Variants in NELL2 observed in about 807,000 individuals in gnomAD.
NELL2 encodes protein kinase C-binding protein NELL2.
Under a neutral mutation model 109.6 loss-of-function variants are expected in NELL2, and 41 were observed. That is an observed-to-expected ratio of 0.37 (90% CI 0.29 to 0.49). The LOEUF is 0.49. Among genes scored for constraint, NELL2 ranks in the 20% least tolerant of loss-of-function variants. The pLI is 0.98. For synonymous variants in NELL2, 355 were observed against 344.7 expected, an observed-to-expected ratio of 1.03 and a Z score of -0.33; for missense variants, 900 against 1,008.3, an observed-to-expected ratio of 0.89 and a Z score of 1.45.
chr12:44,897,440 G>C (rs1285932845), intron 1 of NELL2, among the ~76,000 whole-genome samples: 2 of 152,038 alleles, frequency 1.3e-5, no homozygotes, highest in Non-Finnish European at 2.9e-5. Flanking sequence ...ATTGGGACTA[G>C]TTAGACAGTG....
chr12:44,562,798 C>T (rs1481243697), intron 15 of NELL2, among the ~76,000 whole-genome samples: 1 of 152,134 alleles, frequency 6.6e-6, no homozygotes, highest in Non-Finnish European at 1.5e-5. Flanking sequence ...ACCATTTGAC[C>T]CAGCAATCCC....
intron 3 of NELL2, among the ~76,000 whole-genome samples, chr12:44,780,438 CCCCATCCCA>C (rs1354881026): frequency 6.6e-6 from 1 of 151,850 alleles, no homozygotes; most frequent in Non-Finnish European, 1.5e-5. Context: ...AAAAAACTGG[CCCCATCCCA>C]AACCATGCCA....
At chr12:44,762,033 T>C (rs1433150645) in intron 9 of NELL2, among the ~76,000 whole-genome samples, 2 of 151,964 alleles carry the variant, frequency 1.3e-5, no homozygotes, top group Non-Finnish European at 2.9e-5. Flanking sequence ...TCTATAAAAA[T>C]AAAATACATT....
rs889511499 is a variant in NELL2 at position 44,899,402 on chromosome 12, T to C, written c.38+14397A>G. Reference sequence around the variant, plus strand: ...CCCACAAAGGGAAGCACATCAGACATACAGAGGATCCCTCTGCAGAAACCC... The same window carrying C: ...CCCACAAAGGGAAGCACATCAGACACACAGAGGATCCCTCTGCAGAAACCC... On this transcript the variant is annotated intron_variant, in intron 1 of 20. Coordinates refer to the NELL2 transcript ENST00000333837. Among the ~76,000 whole-genome samples, 9 of 152,182 alleles carry C rather than the reference T, an allele frequency of 5.9e-5. No individual in the cohort carries two copies. The South Asian group carries it at 6.2e-4, about 11-fold the overall frequency.
chr12:44,866,935 C>CA (rs1945018100), intron 2 of NELL2, among the ~76,000 whole-genome samples: 1 of 151,902 alleles, frequency 6.6e-6, no homozygotes, highest in African/African-American at 2.4e-5. Context: ...CTTACCAAGA[C>CA]AAAATCATGA....
chr12:44,661,644 TA>T (rs1372556644), intron 13 of NELL2, among the ~76,000 whole-genome samples: 1 of 151,834 alleles, frequency 6.6e-6, no homozygotes, highest in Non-Finnish European at 1.5e-5. Flanking sequence ...AGATTCCCAG[TA>T]AAACTCAAGA....
intron 13 of NELL2, among the ~76,000 whole-genome samples, chr12:44,617,635 TGAGCC>T (rs1279105686): frequency 1.2e-5 from 1 of 84,350 alleles, no homozygotes; most frequent in Non-Finnish European, 2.0e-5. Context: ...GAGCTTGCAG[TGAGCC>T]GAGATCCCGC....
At chr12:44,580,548 C>T (rs1398259404) in intron 15 of NELL2, among the ~76,000 whole-genome samples, 2 of 152,020 alleles carry the variant, frequency 1.3e-5, no homozygotes, top group Non-Finnish European at 2.9e-5. Context: ...GAAAGCCCAT[C>T]TCTAATAAAA....
intron 13 of NELL2, among the ~76,000 whole-genome samples, chr12:44,650,443 C>A (rs989954281): frequency 2.0e-5 from 3 of 151,960 alleles, no homozygotes; most frequent in Admixed American, 2.0e-4. Context: ...TTACAGGCGC[C>A]TGCCACCACG....
chr12:44,773,240 C>T (rs977513382), intron 9 of NELL2, among the ~76,000 whole-genome samples: 13 of 152,174 alleles, frequency 8.5e-5, no homozygotes, highest in Non-Finnish European at 1.6e-4. Flanking sequence ...CTTTGGGAGG[C>T]TGAGGCGGGC....
At chr12:44,734,588 C>T (rs1164704833) in intron 9 of NELL2, among the ~76,000 whole-genome samples, 5 of 151,776 alleles carry the variant, frequency 3.3e-5, no homozygotes, top group African/African-American at 1.2e-4. Flanking sequence ...TTTGCTCATT[C>T]AATTTTCCCC....
chr12:44,524,892 G>T (rs1335317142), intron 16 of NELL2, among the ~76,000 whole-genome samples: 1 of 152,066 alleles, frequency 6.6e-6, no homozygotes, highest in Non-Finnish European at 1.5e-5. Flanking sequence ...TATTTTTTCA[G>T]ATTAGAGAAA....
chr12:44,658,614 A>G (rs1947599282), intron 13 of NELL2, among the ~76,000 whole-genome samples: 4 of 152,132 alleles, frequency 2.6e-5, no homozygotes, highest in Admixed American at 2.6e-4. Context: ...TGGAACCAAA[A>G]AAGAGCCCAC....
At chr12:44,551,868 T>A (rs1395625698) in intron 15 of NELL2, among the ~76,000 whole-genome samples, 2 of 152,112 alleles carry the variant, frequency 1.3e-5, no homozygotes, top group Admixed American at 6.6e-5. Flanking sequence ...CTTTTATTAC[T>A]CATAAGATAA....
chr12:44,510,786 C>T (rs533667521), intron 19 of NELL2, among the ~76,000 whole-genome samples: 31 of 152,276 alleles, frequency 2.0e-4, no homozygotes, highest in African/African-American at 7.2e-4. Context: ...TAGAACTCAG[C>T]TGTGCCCTAG....
At chr12:44,576,853 C>T (rs7304914) in intron 15 of NELL2, among the ~76,000 whole-genome samples, 12,358 of 149,072 alleles carry the variant, frequency 0.083, 1,426 homozygotes, top group African/African-American at 0.28. Context: ...ATTTCATCCA[C>T]GTCCCTACAA....
upstream of NELL2, among the ~76,000 whole-genome samples, chr12:44,917,686 A>C (rs919393522): frequency 5.3e-5 from 8 of 152,182 alleles, no homozygotes; most frequent in Non-Finnish European, 2.9e-5. Flanking sequence ...TTTCAAGTTA[A>C]TCATAAGGAA....
chr12:44,534,420 G>A (rs1038870284), intron 15 of NELL2, among the ~76,000 whole-genome samples: 10 of 151,986 alleles, frequency 6.6e-5, no homozygotes, highest in Middle Eastern at 6.8e-3. Flanking sequence ...AGTTACTATC[G>A]GCAGTCATTC....
At chr12:44,864,092 AG>A (rs1764062915) in intron 2 of NELL2, among the ~76,000 whole-genome samples, 1 of 152,210 alleles carries the variant, frequency 6.6e-6, no homozygotes, top group Non-Finnish European at 1.5e-5. Flanking sequence ...AAGGAATCAA[AG>A]CATACCACCA....
Sources: gnomAD v4.1 joint callset for allele counts (sites outside exome capture counted in the v4.1 genomes callset) on GRCh38, gnomAD v4.1.1 for gene constraint, MANE v1.5 for transcripts, NCBI Gene and HGNC (gene_info 2026-07-23, HGNC 2026-07-21) for gene names.